The following SGCZ variants were observed in gnomAD, a reference collection of about 807,000 sequenced individuals.
The protein encoded by SGCZ is sarcoglycan zeta, also known as zeta-sarcoglycan.
In SGCZ, 40 loss-of-function variants were observed where a neutral mutation model predicts 41.3. That is an observed-to-expected ratio of 0.97 (90% CI 0.75 to 1.26). The LOEUF (loss-of-function observed/expected upper bound fraction) is 1.26, where lower values mean the gene tolerates loss of function less well. Ranked by LOEUF, SGCZ falls within the 50% of genes most tolerant of loss-of-function variation. SGCZ has a pLI of 0.00. For synonymous variants in SGCZ, 206 were observed against 137.5 expected, an observed-to-expected ratio of 1.50 and a Z score of -3.49; for missense variants, 552 against 369.8, an observed-to-expected ratio of 1.49 and a Z score of -4.04.
At chr8:14,408,356 AAAG>A (rs1214965670) in intron 2 of SGCZ, among the ~76,000 whole-genome samples, 1 of 152,118 alleles carries the variant, frequency 6.6e-6, no homozygotes, top group African/African-American at 2.4e-5. Flanking sequence ...AACGTCCTAG[AAAG>A]CACCATCTGG....
intron 1 of SGCZ, among the ~76,000 whole-genome samples, chr8:15,062,425 C>G (rs1392105928): frequency 6.6e-6 from 1 of 152,106 alleles, no homozygotes; most frequent in African/African-American, 2.4e-5. Flanking sequence ...CTGTACATTT[C>G]TAGAAAAAGA....
At chr8:14,796,698 G>C (rs745888398) in intron 1 of SGCZ, among the ~76,000 whole-genome samples, 1 of 152,098 alleles carries the variant, frequency 6.6e-6, no homozygotes, top group Admixed American at 6.5e-5. Flanking sequence ...ACTGGGCAGA[G>C]GTAACAGATG....
intron 1 of SGCZ, among the ~76,000 whole-genome samples, chr8:15,015,079 T>TA (rs1341902809): frequency 1.3e-5 from 2 of 151,756 alleles, no homozygotes; most frequent in Non-Finnish European, 2.9e-5. Flanking sequence ...CCATCTCTAC[T>TA]AAAAAATGCA....
chr8:14,218,712 C>A (rs1308122180), intron 4 of SGCZ, among the ~76,000 whole-genome samples: 1 of 152,144 alleles, frequency 6.6e-6, no homozygotes, highest in East Asian at 1.9e-4. Flanking sequence ...AGAGCAAACT[C>A]CGGCCATTTT....
chr8:15,037,769 A>T, intron 1 of SGCZ, among the ~76,000 whole-genome samples: 1 of 152,204 alleles, frequency 6.6e-6, no homozygotes, highest in East Asian at 1.9e-4. Context: ...TAATAAACAA[A>T]TTCAGTAAAG....
At chr8:14,552,919 A>G (rs536587844) in intron 2 of SGCZ, among the ~76,000 whole-genome samples, 9 of 152,220 alleles carry the variant, frequency 5.9e-5, no homozygotes, top group African/African-American at 2.2e-4. Context: ...AGCTTGTCGC[A>G]TCATTCATGA....
intron 1 of SGCZ, among the ~76,000 whole-genome samples, chr8:14,663,493 T>A (rs902168626): frequency 6.6e-5 from 10 of 152,144 alleles, no homozygotes; most frequent in Non-Finnish European, 1.5e-4. Context: ...GGCTGTGATT[T>A]TCAGGTGAGT....
chr8:14,883,961 C>G (rs1019867811), intron 1 of SGCZ, among the ~76,000 whole-genome samples: 1 of 151,874 alleles, frequency 6.6e-6, no homozygotes, highest in Non-Finnish European at 1.5e-5. Context: ...AGGAGTATCT[C>G]CTTACTTATC....
chr8:14,897,069 A>T (rs1468962985), intron 1 of SGCZ, among the ~76,000 whole-genome samples: 1 of 152,080 alleles, frequency 6.6e-6, no homozygotes, highest in Non-Finnish European at 1.5e-5. Flanking sequence ...GGCGTGAGCC[A>T]CCGTGCCTGG....
chr8:14,691,746 GAAT>G (rs1808805156), intron 1 of SGCZ, among the ~76,000 whole-genome samples: 1 of 151,866 alleles, frequency 6.6e-6, no homozygotes, highest in African/African-American at 2.4e-5. Context: ...TCCAAATACA[GAAT>G]AATAAAATAG....
intron 1 of SGCZ, among the ~76,000 whole-genome samples, chr8:15,139,438 T>C (rs1808237576): frequency 6.6e-6 from 1 of 152,190 alleles, no homozygotes; most frequent in Non-Finnish European, 1.5e-5. Context: ...TTCATACTTT[T>C]CAGAAGGTCA....
intron 1 of SGCZ, among the ~76,000 whole-genome samples, chr8:14,815,896 A>G (rs1220869448): frequency 1.3e-5 from 2 of 152,238 alleles, no homozygotes; most frequent in African/African-American, 2.4e-5. Flanking sequence ...ATCAAAAGAA[A>G]GAATGCTGTC....
At chr8:14,536,857 T>C (rs1057118018) in intron 2 of SGCZ, among the ~76,000 whole-genome samples, 4 of 151,974 alleles carry the variant, frequency 2.6e-5, no homozygotes. Context: ...ATTTTAATAC[T>C]TGTTAGTCTT....
chr8:14,092,363 T>C (rs1419427654), intron 7 of SGCZ, among the ~76,000 whole-genome samples: 1 of 152,140 alleles, frequency 6.6e-6, no homozygotes, highest in African/African-American at 2.4e-5. Flanking sequence ...AGAATGTCAA[T>C]AGTAGCTTGA....
At chr8:14,175,637 T>A (rs1283450692) in intron 4 of SGCZ, among the ~76,000 whole-genome samples, 4 of 151,958 alleles carry the variant, frequency 2.6e-5, no homozygotes, top group Admixed American at 2.6e-4. Flanking sequence ...AAAAACACTA[T>A]TAATAAAAAC....
chr8:14,547,575 C>G (rs764459528), intron 2 of SGCZ, among the ~76,000 whole-genome samples: 1 of 152,082 alleles, frequency 6.6e-6, no homozygotes, highest in Non-Finnish European at 1.5e-5. Flanking sequence ...AATGTTTGTT[C>G]TTGTACTTTA....
chr8:14,838,418 C>G (rs1802780369), intron 1 of SGCZ, among the ~76,000 whole-genome samples: 1 of 152,088 alleles, frequency 6.6e-6, no homozygotes, highest in African/African-American at 2.4e-5. Context: ...GCAAACTAAC[C>G]AATCTGGAGG....
chr8:14,678,868 A>G (rs953957113), intron 1 of SGCZ, among the ~76,000 whole-genome samples: 2 of 152,224 alleles, frequency 1.3e-5, no homozygotes, highest in Non-Finnish European at 2.9e-5. Context: ...ATAAAATATC[A>G]AGCTATGAAA....
At position 14,253,055 on chromosome 8, in the gene SGCZ, A is replaced by G. The variant is rs183002874; in HGVS notation, c.337-15376T>C. On this transcript the variant is annotated intron_variant, in intron 3 of 7. Transcript: ENST00000382080. Reference sequence around the variant, plus strand: ...TTTTTGCATAACCAATGAACTCATTATTCATGAAAAATAAATAAAAGAAGG... The same window carrying G: ...TTTTTGCATAACCAATGAACTCATTGTTCATGAAAAATAAATAAAAGAAGG... Among the ~76,000 whole-genome samples the G allele has an allele frequency of 2.8e-3, 430 of 152,268 alleles. 11 individuals are homozygous for G. Among genetic ancestry groups the G allele is most frequent in the Admixed American group, 0.026 (392 of 15,268 alleles).
Sources: gnomAD v4.1 joint callset for allele counts (sites outside exome capture counted in the v4.1 genomes callset) on GRCh38, gnomAD v4.1.1 for gene constraint, MANE v1.5 for transcripts, NCBI Gene and HGNC (gene_info 2026-07-23, HGNC 2026-07-21) for gene names.